ST3GAL2: variants seen among roughly 807,000 people sequenced by gnomAD.
The protein encoded by ST3GAL2 is CMP-N-acetylneuraminate-beta-galactosamide-alpha-2,3-sialyltransferase 2.
ST3GAL2 carries 16 observed loss-of-function variants against 37.5 expected under a neutral mutation model. The observed-to-expected ratio is 0.43, with a 90% CI of 0.29 to 0.65. ST3GAL2 has a LOEUF of 0.65. ST3GAL2 is among the 30% of genes least tolerant of loss of function. The pLI is 0.17. For missense variants in ST3GAL2, 383 were observed against 487.8 expected (o/e 0.79, Z 2.02); for synonymous variants, 238 against 202.9 (o/e 1.17, Z -1.47).
rs1567662104 is a variant in ST3GAL2, at chr16:70,377,478, T to TCA, written c.*4210_*4211insTG. The TCA allele has an allele frequency of 8.5e-6, 1 of 117,622 alleles. No individual in the cohort carries two copies. Among genetic ancestry groups the TCA allele is most frequent in the African/African-American group, 4.3e-5 (1 of 23,106 alleles). 7.3% of individuals were successfully genotyped at this position (117,622 alleles called of 1,614,324 possible). A position where few individuals can be genotyped will look rare whatever the true frequency, so the allele number is the denominator to read the frequency against. On this transcript the variant is annotated 3_prime_UTR_variant, in exon 7 of 7. Coordinates refer to ENST00000342907, the MANE Select transcript of ST3GAL2 (RefSeq NM_006927.4). ...CTGGGCAATGGAGAGAGACTCCATCTGAAAAAAAAAAAAAAAAAAGAGAAA... is the reference window on the plus strand; with the variant it reads ...CTGGGCAATGGAGAGAGACTCCATCTCAGAAAAAAAAAAAAAAAAAAGAGAAA...
intron 1 of ST3GAL2, among the ~76,000 whole-genome samples, chr16:70,413,801 C>G (rs960927758): frequency 6.6e-6 from 1 of 151,198 alleles, no homozygotes; most frequent in African/African-American, 2.4e-5. Flanking sequence ...AGCTTTAGCC[C>G]CAGGAAATGG....
At chr16:70,429,473 G>A (rs2047773519) in intron 1 of ST3GAL2, among the ~76,000 whole-genome samples, 1 of 151,248 alleles carries the variant, frequency 6.6e-6, no homozygotes, top group Admixed American at 6.6e-5. Flanking sequence ...GATGCCTGTA[G>A]TCCCAGCTAG....
intron 1 of ST3GAL2, among the ~76,000 whole-genome samples, chr16:70,405,307 C>T (rs1398951108): frequency 2.6e-5 from 4 of 151,900 alleles, no homozygotes; most frequent in African/African-American, 9.7e-5. Flanking sequence ...TTTGGGAGGC[C>T]GAGGCAGACG....
chr16:70,402,158 G>A (rs2047560326), intron 1 of ST3GAL2, among the ~76,000 whole-genome samples: 1 of 151,552 alleles, frequency 6.6e-6, no homozygotes, highest in Non-Finnish European at 1.5e-5. Context: ...AATTAGCCGG[G>A]CATGGTGGCA....
intron 1 of ST3GAL2, among the ~76,000 whole-genome samples, chr16:70,413,658 C>T (rs1341775116): frequency 6.6e-6 from 1 of 150,632 alleles, no homozygotes; most frequent in African/African-American, 2.4e-5. Context: ...ATTGCTTGAG[C>T]CCAGGAAGCG....
chr16:70,388,275 C>T lies in ST3GAL2; in HGVS notation c.713+92G>A, dbSNP rs972417131. On this transcript the variant is annotated intron_variant, in intron 4 of 6. Transcript: ENST00000342907. ...ACCAGCCCCTCTTGGCCAAAATGTT[C>T]AATGAAAGGAATCCTACAATCTGGC... 49 of 1,541,520 alleles carry T rather than the reference C, an allele frequency of 3.2e-5. No homozygotes were observed. In the African/African-American group the frequency reaches 6.2e-4, roughly 19 times the overall value.
chr16:70,388,726 G>C (rs1015306033), intron 3 of ST3GAL2, among the ~76,000 whole-genome samples, 180 bp from the exon 4 acceptor site: 2 of 152,114 alleles, frequency 1.3e-5, no homozygotes, highest in Non-Finnish European at 2.9e-5. Flanking sequence ...AGATGTGTAT[G>C]AGGATATTCA....
At chr16:70,431,985 A>ATATATTTTTTT (rs1454729972) in intron 1 of ST3GAL2, among the ~76,000 whole-genome samples, 20 of 139,050 alleles carry the variant, frequency 1.4e-4, no homozygotes, top group African/African-American at 6.4e-4. Context: ...ATATATATAT[A>ATATATTTTTTT]TTTTTTTTTA....
At chr16:70,435,628 T>A (rs1315503305) in intron 1 of ST3GAL2, among the ~76,000 whole-genome samples, 1 of 148,486 alleles carries the variant, frequency 6.7e-6, no homozygotes, top group African/African-American at 2.5e-5. Context: ...AAAATAAATT[T>A]TAAAAAAATA....
Position 70,398,288 on chromosome 16 carries a change from G to A in ST3GAL2, c.243C>T (p.Ala81=). The change falls in exon 2 of 7, where the codon GCC becomes GCT. Residue 81 remains alanine (A), a synonymous_variant. Transcript: ENST00000342907. ...CAAAGTGGCTGTCAAACCAGTCGGAGGCACCGGCATCGCCCATGCAGCGGC... is the reference window on the plus strand; with the variant it reads ...CAAAGTGGCTGTCAAACCAGTCGGAAGCACCGGCATCGCCCATGCAGCGGC... ...ACRRCMGDAG[A]SDWFDSHFDG... 1 of 1,613,358 alleles carries A rather than the reference G, an allele frequency of 6.2e-7. No homozygotes were observed. Among genetic ancestry groups the A allele is most frequent in the Non-Finnish European group, 8.5e-7 (1 of 1,180,036 alleles).
In ST3GAL2 at chr16:70,382,860, C is replaced by T. The variant is rs768742322; in HGVS notation, c.824G>A (p.Arg275Gln). 3.1e-6 allele frequency: 5 copies of T among 1,614,064 alleles called. No homozygotes were observed. The highest frequency in any genetic ancestry group is 1.1e-5 in the South Asian group (1 of 91,068). Residue 275 changes from arginine (R) to glutamine (Q), a missense_variant, in exon 6 of 7, where the codon CGG becomes CAG. Arg to Gln is a conservative substitution (Grantham distance 43). Around this residue, in one of 2 missense-constraint regions of ST3GAL2, gnomAD observed 160 missense variants for 248.6 expected, o/e 0.64. Coordinates refer to ENST00000342907, the MANE Select transcript of ST3GAL2 (RefSeq NM_006927.4). The stretch of plus-strand genomic sequence containing the variant: ...CACCAGCATCCCCGTGGAAGGGTAC[C>T]GCCCGTGATGCTCTGTCCACCTGTC... ...IHDRWTEHHG[R>Q]YPSTGMLVLF...
At chr16:70,406,254 G>A (rs1471130091) in intron 1 of ST3GAL2, among the ~76,000 whole-genome samples, 3 of 151,920 alleles carry the variant, frequency 2.0e-5, no homozygotes, top group African/African-American at 7.3e-5. Context: ...GATCGGCCTG[G>A]CCAACATGGT....
chr16:70,435,695 G>A (rs972169146), intron 1 of ST3GAL2, among the ~76,000 whole-genome samples: 23 of 151,838 alleles, frequency 1.5e-4, no homozygotes, highest in Non-Finnish European at 2.2e-4. Flanking sequence ...TCCAGAGGCT[G>A]AGACAGGAGA....
At chr16:70,389,238 A>AAAAAAAAAAT (rs2047465459) in intron 3 of ST3GAL2, among the ~76,000 whole-genome samples, 1 of 137,974 alleles carries the variant, frequency 7.2e-6, no homozygotes, top group Non-Finnish European at 1.5e-5. Flanking sequence ...AAAAAAAAAA[A>AAAAAAAAAAT]AAAAAAGGTT....
At chr16:70,418,474 C>T (rs567911755) in intron 1 of ST3GAL2, among the ~76,000 whole-genome samples, 2 of 152,290 alleles carry the variant, frequency 1.3e-5, no homozygotes, top group South Asian at 4.1e-4. Flanking sequence ...TGTAAGGAGG[C>T]GGAGCTGGTG....
intron 1 of ST3GAL2, among the ~76,000 whole-genome samples, chr16:70,407,937 C>T (rs773934546): frequency 6.6e-6 from 1 of 152,048 alleles, no homozygotes; most frequent in South Asian, 2.1e-4. Flanking sequence ...AAATAAGGCA[C>T]GGAGCCTGGG....
At chr16:70,418,100 T>C (rs2047688119) in intron 1 of ST3GAL2, among the ~76,000 whole-genome samples, 2 of 152,160 alleles carry the variant, frequency 1.3e-5, no homozygotes. Flanking sequence ...GTCTGGAGAA[T>C]GCTTTGAATC....
chr16:70,391,589 C>T (rs2047482341), intron 3 of ST3GAL2, among the ~76,000 whole-genome samples: 2 of 152,156 alleles, frequency 1.3e-5, no homozygotes, highest in African/African-American at 2.4e-5. Context: ...CTGCCAAGCA[C>T]CCTGGGGCCT....
intron 2 of ST3GAL2, among the ~76,000 whole-genome samples, chr16:70,396,243 T>C (rs890292982): frequency 4.7e-5 from 7 of 149,202 alleles, no homozygotes; most frequent in Non-Finnish European, 8.9e-5. Flanking sequence ...GTGGTGGGAT[T>C]ACTTTTACTC....
Sources: allele counts gnomAD v4.1 joint callset (sites outside exome capture counted in the v4.1 genomes callset), GRCh38; gene constraint gnomAD v4.1.1; regional missense constraint gnomAD v4.1.1; transcripts MANE v1.5; gene names NCBI Gene and HGNC (gene_info 2026-07-23, HGNC 2026-07-21).